The following COP1 variants were observed in gnomAD, a reference collection of about 807,000 sequenced individuals.
COP1 encodes the protein E3 ubiquitin-protein ligase COP1.
A neutral mutation model predicts 101.3 loss-of-function variants in COP1; 24 were observed. The ratio of observed to expected loss-of-function variants is 0.24; its 90% CI spans 0.17 to 0.33. The LOEUF (loss-of-function observed/expected upper bound fraction) is 0.33. COP1 is among the 10% of genes least tolerant of loss of function. The pLI is 1.00. For synonymous variants in COP1, 347 were observed against 341.9 expected (o/e 1.01, Z -0.17); for missense variants, 663 against 906.2 (o/e 0.73, Z 3.45).
chr1:176,089,188 G>A (rs1345058761), intron 9 of COP1, among the ~76,000 whole-genome samples: 7 of 151,844 alleles, frequency 4.6e-5, no homozygotes, highest in South Asian at 4.2e-4. Context: ...AGCTACTTGG[G>A]AGGCTGGGGC....
At chr1:176,103,701 A>T (rs1045376732) in intron 9 of COP1, among the ~76,000 whole-genome samples, 2 of 152,212 alleles carry the variant, frequency 1.3e-5, no homozygotes, top group African/African-American at 4.8e-5. Flanking sequence ...ACTGCATGTA[A>T]ATCTATAATT....
intron 10 of COP1, among the ~76,000 whole-genome samples, chr1:176,085,233 C>T (rs1387862181): frequency 6.6e-6 from 1 of 151,970 alleles, no homozygotes. Flanking sequence ...TTCCCTTACA[C>T]CTCCCCATTT....
chr1:176,105,162 A>C (rs940620197), intron 9 of COP1, among the ~76,000 whole-genome samples: 4 of 152,160 alleles, frequency 2.6e-5, no homozygotes, highest in African/African-American at 7.2e-5. Context: ...GAAAAGATGG[A>C]GGTAGGGAAA....
intron 1 of COP1, among the ~76,000 whole-genome samples, chr1:176,201,178 T>G (rs2102271653): frequency 6.6e-6 from 1 of 152,220 alleles, no homozygotes; most frequent in Non-Finnish European, 1.5e-5. Context: ...TTAAATATTC[T>G]AAAATTCGAA....
chr1:176,084,145 C>T (rs1679687311), intron 10 of COP1, among the ~76,000 whole-genome samples: 1 of 151,986 alleles, frequency 6.6e-6, no homozygotes, highest in African/African-American at 2.4e-5. Context: ...CAGTATCATA[C>T]CAACAAATAA....
intron 18 of COP1, among the ~76,000 whole-genome samples, chr1:175,977,974 C>CA (rs1156493706): frequency 6.6e-6 from 1 of 151,884 alleles, no homozygotes; most frequent in African/African-American, 2.4e-5. Flanking sequence ...TAGGGATTAC[C>CA]AAAAGATAAA....
At chr1:176,098,085 G>T (rs1468027295) in intron 9 of COP1, among the ~76,000 whole-genome samples, 1 of 152,058 alleles carries the variant, frequency 6.6e-6, no homozygotes, top group Non-Finnish European at 1.5e-5. Flanking sequence ...CAGATATTAG[G>T]TTTGCTAAAT....
At chr1:176,126,117 G>A (rs1480666805) in intron 8 of COP1, among the ~76,000 whole-genome samples, 1 of 152,082 alleles carries the variant, frequency 6.6e-6, no homozygotes, top group Non-Finnish European at 1.5e-5. Flanking sequence ...ATAGTTTTTT[G>A]GTGGAGTCTA....
intron 8 of COP1, 81 bp from the exon 9 acceptor site, chr1:176,116,762 T>C: frequency 2.1e-6 from 2 of 956,532 alleles, no homozygotes; most frequent in Non-Finnish European, 3.3e-6. Context: ...AAGTATATCA[T>C]ATATAAGCCC....
At chr1:176,083,555 C>T (rs1679578150) in intron 10 of COP1, among the ~76,000 whole-genome samples, 1 of 152,192 alleles carries the variant, frequency 6.6e-6, no homozygotes, top group Non-Finnish European at 1.5e-5. Context: ...CTCTCCTATC[C>T]TAATTACAAA....
chr1:176,187,757 T>A (rs1698652364), intron 1 of COP1, among the ~76,000 whole-genome samples: 1 of 152,164 alleles, frequency 6.6e-6, no homozygotes. Flanking sequence ...CTCAATACAA[T>A]GCCTGGCACA....
At chr1:176,024,786 T>C (rs1198955251) in intron 15 of COP1, among the ~76,000 whole-genome samples, 1 of 152,190 alleles carries the variant, frequency 6.6e-6, no homozygotes, top group Non-Finnish European at 1.5e-5. Flanking sequence ...TTCTGTGCAC[T>C]ATTAACAAAA....
chr1:176,166,893 C>G (rs532762415), intron 3 of COP1, among the ~76,000 whole-genome samples: 1 of 152,206 alleles, frequency 6.6e-6, no homozygotes, highest in East Asian at 1.9e-4. Flanking sequence ...ACCATGGTCA[C>G]GCCACTGTAC....
At chr1:175,998,137 AATG>A (rs1236459904) in intron 15 of COP1, among the ~76,000 whole-genome samples, 1 of 150,118 alleles carries the variant, frequency 6.7e-6, no homozygotes, top group African/African-American at 2.5e-5. Flanking sequence ...AGCCATAAAA[AATG>A]ATGAGTTCAT....
chr1:176,001,276 G>C (rs1235214418), intron 15 of COP1, among the ~76,000 whole-genome samples: 1 of 152,066 alleles, frequency 6.6e-6, no homozygotes, highest in Non-Finnish European at 1.5e-5. Flanking sequence ...AAAAAACCTG[G>C]ATTCATCGAA....
chr1:176,043,592 G>T, intron 13 of COP1, 118 bp downstream of exon 13: 1 of 703,926 alleles, frequency 1.4e-6, no homozygotes, highest in South Asian at 1.8e-5. Context: ...TGTTACACAG[G>T]TATAAAAAAT....
intron 17 of COP1, 50 bp downstream of exon 17, chr1:175,988,238 C>T (rs779949412): frequency 9.7e-6 from 15 of 1,543,440 alleles, no homozygotes; most frequent in East Asian, 9.1e-5. Flanking sequence ...AGTTCAATTT[C>T]AATAACAAAC....
chr1:176,146,435 T>G (rs1315766510), intron 6 of COP1, among the ~76,000 whole-genome samples: 3 of 152,250 alleles, frequency 2.0e-5, no homozygotes, highest in African/African-American at 7.2e-5. Flanking sequence ...GCAAAAGTTT[T>G]AGGATATAAT....
chr1:176,155,038 A>G (rs1220441158), intron 5 of COP1, among the ~76,000 whole-genome samples: 2 of 152,206 alleles, frequency 1.3e-5, no homozygotes, highest in East Asian at 1.9e-4. Flanking sequence ...AAGTGACAAC[A>G]GTTCATAAAA....
Sources: allele counts gnomAD v4.1 joint callset (sites outside exome capture counted in the v4.1 genomes callset), GRCh38; gene constraint gnomAD v4.1.1; transcripts MANE v1.5; gene names NCBI Gene and HGNC (gene_info 2026-07-23, HGNC 2026-07-21).